PCDH9: variants seen among roughly 807,000 people sequenced by gnomAD.
The protein encoded by PCDH9 is protocadherin-9.
PCDH9 carries 24 observed loss-of-function variants against 70.6 expected under a neutral mutation model. The observed-to-expected ratio is 0.34, with a 90% CI of 0.25 to 0.48. The LOEUF (loss-of-function observed/expected upper bound fraction) is 0.48, where lower values mean the gene tolerates loss of function less well. Among genes scored for constraint, PCDH9 ranks in the 20% least tolerant of loss-of-function variants. The pLI, the probability that PCDH9 is intolerant of heterozygous loss-of-function variation, is 0.99. For synonymous variants in PCDH9, 562 were observed against 558.5 expected (o/e 1.01, Z -0.09); for missense variants, 1,281 against 1,503.6 (o/e 0.85, Z 2.45).
chr13:67,029,821 T>G (rs1156378179), intron 2 of PCDH9, among the ~76,000 whole-genome samples: 1 of 152,216 alleles, frequency 6.6e-6, no homozygotes, highest in Non-Finnish European at 1.5e-5. Context: ...TTCTATATTA[T>G]GTTTTCATCT....
chr13:67,099,942 C>A (rs1228296403), intron 2 of PCDH9, among the ~76,000 whole-genome samples: 5 of 152,070 alleles, frequency 3.3e-5, no homozygotes, highest in African/African-American at 1.2e-4. Flanking sequence ...CTCCATGGCA[C>A]CGTATAACAT....
intron 3 of PCDH9, among the ~76,000 whole-genome samples, chr13:66,693,173 A>G (rs1782787712): frequency 6.6e-6 from 1 of 152,098 alleles, no homozygotes; most frequent in African/African-American, 2.4e-5. Context: ...TATGAATATT[A>G]GTTCTTCATC....
At chr13:66,720,934 A>C (rs533093030) in intron 3 of PCDH9, among the ~76,000 whole-genome samples, 1 of 152,324 alleles carries the variant, frequency 6.6e-6, no homozygotes, top group East Asian at 1.9e-4. Context: ...GTGGAATGAG[A>C]TAAATAGCAG....
At chr13:67,172,570 G>T (rs7998295) in intron 2 of PCDH9, among the ~76,000 whole-genome samples, 103,175 of 151,884 alleles carry the variant, frequency 0.68, 36,035 homozygotes, top group Non-Finnish European at 0.77. Context: ...AAGGGCTTTT[G>T]TGGCCATTCA....
At chr13:66,928,558 G>A (rs1485783378) in intron 2 of PCDH9, among the ~76,000 whole-genome samples, 4 of 152,048 alleles carry the variant, frequency 2.6e-5, no homozygotes, top group Admixed American at 6.6e-5. Flanking sequence ...GCAGTGTTTA[G>A]AGATGGGCCC....
intron 4 of PCDH9, among the ~76,000 whole-genome samples, chr13:66,499,835 T>C (rs934708174): frequency 1.3e-5 from 2 of 152,174 alleles, no homozygotes; most frequent in Non-Finnish European, 2.9e-5. Flanking sequence ...TCACAGGTAA[T>C]GAGTGAGTTC....
In PCDH9 at chr13:67,212,282, TGAGA is replaced by T. The variant is rs146478844; in HGVS notation, c.3036+13119_3036+13122del. Reference sequence around the variant, plus strand: ...TCTCCAGCAGTAGTTAAAAAAAATGTGAGAGAGAGAGACTTTAAAAAATATATTT... The same window carrying T: ...TCTCCAGCAGTAGTTAAAAAAAATGTGAGAGAGACTTTAAAAAATATATTT... On this transcript the variant is annotated intron_variant, in intron 2 of 4. Coordinates refer to ENST00000377865, the MANE Select transcript of PCDH9 (RefSeq NM_203487.3). 5.3e-5 allele frequency: 8 copies of T among 151,830 alleles called. No individual in the cohort carries two copies. In the South Asian group the frequency reaches 6.2e-4, roughly 12 times the overall value. 9.4% of individuals were successfully genotyped at this position (151,830 alleles called of 1,614,324 possible).
chr13:66,940,276 C>A (rs1473060430), intron 2 of PCDH9, among the ~76,000 whole-genome samples: 1 of 152,120 alleles, frequency 6.6e-6, no homozygotes, highest in Non-Finnish European at 1.5e-5. Context: ...TTCTAAATTA[C>A]ATCCTGACGA....
At chr13:67,072,364 C>G (rs1015770541) in intron 2 of PCDH9, among the ~76,000 whole-genome samples, 6 of 152,170 alleles carry the variant, frequency 3.9e-5, no homozygotes, top group African/African-American at 1.4e-4. Flanking sequence ...AAATTTAGAA[C>G]AGCCTTTGCT....
chr13:66,648,058 T>G (rs2077796349), intron 3 of PCDH9, among the ~76,000 whole-genome samples: 1 of 151,914 alleles, frequency 6.6e-6, no homozygotes, highest in Non-Finnish European at 1.5e-5. Context: ...ACCAGAGAGA[T>G]TCCTAAGGTT....
At chr13:66,459,714 A>G (rs1341992281) in intron 4 of PCDH9, among the ~76,000 whole-genome samples, 12 of 151,986 alleles carry the variant, frequency 7.9e-5, no homozygotes, top group Non-Finnish European at 1.0e-4. Flanking sequence ...TGAAGACAAA[A>G]TGTATTCGCA....
intron 2 of PCDH9, chr13:67,206,645 A>G (rs1161618048): frequency 1.3e-5 from 2 of 152,238 alleles, no homozygotes; most frequent in African/African-American, 4.8e-5. Context: ...CTAAATAGAT[A>G]TGAAGATATA....
intron 2 of PCDH9, among the ~76,000 whole-genome samples, chr13:67,153,379 C>T (rs1345919709): frequency 6.6e-6 from 1 of 151,904 alleles, no homozygotes; most frequent in Non-Finnish European, 1.5e-5. Context: ...CTATGTTGTC[C>T]CAGCTGGTCT....
intron 4 of PCDH9, among the ~76,000 whole-genome samples, chr13:66,343,817 T>C: frequency 6.6e-6 from 1 of 152,132 alleles, no homozygotes; most frequent in East Asian, 1.9e-4. Flanking sequence ...ACGGGGGGCA[T>C]TGCCTACTGC....
intron 4 of PCDH9, among the ~76,000 whole-genome samples, chr13:66,460,658 G>A (rs140019972): frequency 5.3e-5 from 8 of 151,668 alleles, no homozygotes; most frequent in African/African-American, 1.7e-4. Context: ...AAAGATACCA[G>A]AATAAAGATA....
intron 4 of PCDH9, among the ~76,000 whole-genome samples, chr13:66,377,888 T>G (rs1011192347): frequency 2.0e-5 from 3 of 152,190 alleles, no homozygotes; most frequent in African/African-American, 7.2e-5. Flanking sequence ...CTCTTTTCTT[T>G]TCCTAATGTT....
At chr13:66,882,332 G>C (rs1397784118) in intron 3 of PCDH9, among the ~76,000 whole-genome samples, 1 of 152,030 alleles carries the variant, frequency 6.6e-6, no homozygotes, top group African/African-American at 2.4e-5. Flanking sequence ...TCAGAATCCT[G>C]CCTCTTCCTC....
intron 2 of PCDH9, among the ~76,000 whole-genome samples, chr13:67,118,058 T>C (rs1232010849): frequency 6.6e-6 from 1 of 152,162 alleles, no homozygotes; most frequent in Non-Finnish European, 1.5e-5. Flanking sequence ...AATTTAGCAA[T>C]CTAACTTGCA....
At chr13:67,165,217 A>C (rs1811700761) in intron 2 of PCDH9, among the ~76,000 whole-genome samples, 1 of 152,156 alleles carries the variant, frequency 6.6e-6, no homozygotes, top group Non-Finnish European at 1.5e-5. Context: ...TGAATAAAAA[A>C]AGTTTGAGCT....
Sources: allele counts gnomAD v4.1 joint callset (sites outside exome capture counted in the v4.1 genomes callset), GRCh38; gene constraint gnomAD v4.1.1; transcripts MANE v1.5; gene names NCBI Gene and HGNC (gene_info 2026-07-23, HGNC 2026-07-21).